The following CDH11 variants were observed in gnomAD, a reference collection of about 807,000 sequenced individuals.
The protein encoded by CDH11 is cadherin 11, also known as cadherin-11.
A neutral mutation model predicts 67.8 loss-of-function variants in CDH11; 11 were observed. The ratio of observed to expected loss-of-function variants is 0.16; its 90% CI spans 0.10 to 0.27. The LOEUF (loss-of-function observed/expected upper bound fraction) is 0.27. Ranked by LOEUF, CDH11 falls within the 10% of genes least tolerant of loss-of-function variation. CDH11 has a pLI of 1.00. For missense variants in CDH11, 847 were observed against 1,031.2 expected, an observed-to-expected ratio of 0.82 and a Z score of 2.45; for synonymous variants, 419 against 400.0, an observed-to-expected ratio of 1.05 and a Z score of -0.57.
chr16:65,034,476 T>G (rs776271579), intron 2 of CDH11, among the ~76,000 whole-genome samples: 4 of 152,170 alleles, frequency 2.6e-5, no homozygotes, highest in African/African-American at 4.8e-5. Flanking sequence ...ACAGGCCACA[T>G]GTACCCTGAG....
At chr16:65,122,892 C>T (rs894350359), upstream of CDH11, among the ~76,000 whole-genome samples, 1 of 152,204 alleles carries the variant, frequency 6.6e-6, no homozygotes, top group African/African-American at 2.4e-5. Context: ...CAGTGGCCCC[C>T]GCCGGTAGTG....
At chr16:64,982,367 A>G in intron 7 of CDH11, 66 bp from the exon 8 acceptor site, 1 of 1,266,966 alleles carries the variant, frequency 7.9e-7, no homozygotes, top group Non-Finnish European at 1.1e-6. Flanking sequence ...GAAAGACCCG[A>G]TTGTTTTATA....
intron 1 of CDH11, among the ~76,000 whole-genome samples, chr16:65,074,415 G>A (rs558442134): frequency 3.9e-5 from 6 of 152,170 alleles, no homozygotes; most frequent in Admixed American, 6.5e-5. Context: ...GCAACCCCCC[G>A]GCTTAACTTC....
chr16:65,048,647 C>A (rs777521505), intron 2 of CDH11, among the ~76,000 whole-genome samples: 2 of 150,994 alleles, frequency 1.3e-5, no homozygotes, highest in Non-Finnish European at 2.9e-5. Context: ...TGTATATATA[C>A]GTGTCTATAT....
At chr16:65,034,926 T>C (rs907430796) in intron 2 of CDH11, among the ~76,000 whole-genome samples, 1 of 152,026 alleles carries the variant, frequency 6.6e-6, no homozygotes, top group Non-Finnish European at 1.5e-5. Context: ...CTCCATCCCA[T>C]CTCCTCATTT....
intron 3 of CDH11, among the ~76,000 whole-genome samples, chr16:65,004,397 A>G (rs1465683441): frequency 2.0e-5 from 3 of 152,212 alleles, no homozygotes; most frequent in Non-Finnish European, 4.4e-5. Context: ...AATGAGTTTT[A>G]TGATATAACT....
intron 8 of CDH11, among the ~76,000 whole-genome samples, chr16:64,980,084 T>C (rs1031876037): frequency 1.3e-5 from 2 of 152,182 alleles, no homozygotes; most frequent in Non-Finnish European, 2.9e-5. Context: ...GGGGAGTGAC[T>C]GCTAATGGAC....
At chr16:65,026,001 T>C (rs1306251449) in intron 2 of CDH11, among the ~76,000 whole-genome samples, 4 of 152,088 alleles carry the variant, frequency 2.6e-5, no homozygotes, top group East Asian at 1.9e-4. Flanking sequence ...CAATTATCCA[T>C]GATATGGGGT....
At chr16:65,081,564 G>C (rs1465636472) in intron 1 of CDH11, among the ~76,000 whole-genome samples, 1 of 142,316 alleles carries the variant, frequency 7.0e-6, no homozygotes, top group African/African-American at 2.6e-5. Flanking sequence ...ACGAGACTCT[G>C]TCTCAAAAAA....
intron 1 of CDH11, among the ~76,000 whole-genome samples, chr16:65,069,551 C>T (rs996634499): frequency 6.6e-6 from 1 of 152,170 alleles, no homozygotes; most frequent in Admixed American, 6.5e-5. Flanking sequence ...AATACCGATA[C>T]CTGAGCATCC....
chr16:65,052,665 A>G (rs2074077416), intron 2 of CDH11, among the ~76,000 whole-genome samples: 1 of 152,218 alleles, frequency 6.6e-6, no homozygotes, highest in Non-Finnish European at 1.5e-5. Flanking sequence ...TAAGTGGGAA[A>G]GTACAATATG....
intron 3 of CDH11, among the ~76,000 whole-genome samples, chr16:65,003,084 GTTTT>G (rs36008729): frequency 8.5e-6 from 1 of 117,440 alleles, no homozygotes. Flanking sequence ...ATCTATCTTT[GTTTT>G]TTTTTTTTTT....
At chr16:65,030,083 AT>A (rs2073612309) in intron 2 of CDH11, among the ~76,000 whole-genome samples, 1 of 152,154 alleles carries the variant, frequency 6.6e-6, no homozygotes. Context: ...TTAGGAATGG[AT>A]ACTGGTTTGG....
chr16:64,999,715 A>G (rs1277085541), intron 3 of CDH11, among the ~76,000 whole-genome samples: 1 of 151,952 alleles, frequency 6.6e-6, no homozygotes, highest in African/African-American at 2.4e-5. Context: ...TTGTATTTTT[A>G]GTAGAGACAG....
At chr16:65,118,911 A>T (rs1413076806) in intron 1 of CDH11, 1 of 152,234 alleles carries the variant, frequency 6.6e-6, no homozygotes, top group Non-Finnish European at 1.5e-5. Flanking sequence ...GAATGAAGGA[A>T]GACTAAAATC....
chr16:65,020,879 G>C (rs2073409683), intron 2 of CDH11, among the ~76,000 whole-genome samples: 1 of 152,046 alleles, frequency 6.6e-6, no homozygotes, highest in African/African-American at 2.4e-5. Flanking sequence ...CTGGCTTCAA[G>C]ATGGAACCCT....
chr16:65,044,019 T>C (rs1411048639), intron 2 of CDH11, among the ~76,000 whole-genome samples: 1 of 152,052 alleles, frequency 6.6e-6, no homozygotes, highest in African/African-American at 2.4e-5. Flanking sequence ...GTCTCTGCAG[T>C]TTAAAGTGCT....
intron 11 of CDH11, among the ~76,000 whole-genome samples, chr16:64,954,354 G>A (rs188634843): frequency 6.6e-6 from 1 of 152,236 alleles, no homozygotes; most frequent in African/African-American, 2.4e-5. Flanking sequence ...TTTCTTCCTG[G>A]GTGAATACTA....
intron 1 of CDH11, among the ~76,000 whole-genome samples, chr16:65,068,594 T>A (rs2074361315): frequency 6.6e-6 from 1 of 152,150 alleles, no homozygotes; most frequent in Admixed American, 6.5e-5. Context: ...CATTACCAGA[T>A]CATTTCTGCA....
Sources: allele counts gnomAD v4.1 joint callset (sites outside exome capture counted in the v4.1 genomes callset), GRCh38; gene constraint gnomAD v4.1.1; transcripts MANE v1.5; gene names NCBI Gene and HGNC (gene_info 2026-07-23, HGNC 2026-07-21).